Variants in GARRE1 observed in about 807,000 individuals in gnomAD.
GARRE1 encodes granule associated Rac and RHOG effector 1.
GARRE1 carries 49 observed loss-of-function variants against 103.2 expected under a neutral mutation model. The observed-to-expected ratio is 0.47, with a 90% CI of 0.38 to 0.60. GARRE1 has a LOEUF of 0.60. GARRE1 is among the 20% of genes least tolerant of loss of function. GARRE1 has a pLI of 0.00. For synonymous variants in GARRE1, 505 were observed against 532.8 expected, an observed-to-expected ratio of 0.95 and a Z score of 0.72; for missense variants, 1,199 against 1,370.5, an observed-to-expected ratio of 0.87 and a Z score of 1.98.
chr19:34,347,746 T>C (rs533509343), intron 10 of GARRE1, 131 bp from the exon 11 acceptor site: 3 of 868,836 alleles, frequency 3.5e-6, no homozygotes, highest in African/African-American at 3.5e-5. Flanking sequence ...CAGCCCACGC[T>C]GTGGGGCACA....
intron 1 of GARRE1, among the ~76,000 whole-genome samples, chr19:34,255,043 C>T (rs528915342): frequency 6.6e-6 from 1 of 152,032 alleles, no homozygotes; most frequent in African/African-American, 2.4e-5. Flanking sequence ...GGCAGGGGTC[C>T]GCTGGGGCTA....
At chr19:34,346,318 G>GC (rs2074210734) in intron 10 of GARRE1, among the ~76,000 whole-genome samples, 1 of 151,828 alleles carries the variant, frequency 6.6e-6, no homozygotes, top group South Asian at 2.1e-4. Context: ...CATTTGTACT[G>GC]CCCTGTATAT....
chr19:34,278,585 A>T (rs1385117727), intron 1 of GARRE1, among the ~76,000 whole-genome samples: 4 of 152,222 alleles, frequency 2.6e-5, no homozygotes, highest in Non-Finnish European at 4.4e-5. Context: ...ATATATATGG[A>T]ATCACACAGT....
intron 6 of GARRE1, among the ~76,000 whole-genome samples, chr19:34,329,634 A>G (rs558285614): frequency 1.0e-3 from 154 of 152,236 alleles, no homozygotes; most frequent in Middle Eastern, 3.4e-3. Flanking sequence ...TCAGGAGTTC[A>G]AGACCAGCCT....
intron 1 of GARRE1, among the ~76,000 whole-genome samples, chr19:34,296,005 C>T (rs947377513): frequency 5.3e-5 from 8 of 152,206 alleles, no homozygotes; most frequent in African/African-American, 1.7e-4. Context: ...ACTTCTAATT[C>T]TACTCCATTG....
At chr19:34,306,840 A>G (rs1209758265) in intron 2 of GARRE1, among the ~76,000 whole-genome samples, 2 of 151,918 alleles carry the variant, frequency 1.3e-5, no homozygotes. Context: ...GCCTGATACT[A>G]CTCCAGCATG....
intron 3 of GARRE1, among the ~76,000 whole-genome samples, 188 bp downstream of exon 3, chr19:34,320,304 C>T (rs888387340): frequency 5.3e-5 from 8 of 152,258 alleles, no homozygotes; most frequent in Non-Finnish European, 1.0e-4. Flanking sequence ...AGGCATGTGC[C>T]AGGCACTAGG....
At chr19:34,330,082 T>G in intron 6 of GARRE1, 107 bp from the exon 7 acceptor site, 1 of 1,007,304 alleles carries the variant, frequency 9.9e-7, no homozygotes, top group Non-Finnish European at 1.5e-6. Flanking sequence ...AATACATAAA[T>G]AAAATGCTCT....
chr19:34,276,637 C>T (rs942022399), intron 1 of GARRE1, among the ~76,000 whole-genome samples: 3 of 152,198 alleles, frequency 2.0e-5, no homozygotes, highest in East Asian at 1.9e-4. Context: ...GAAGTGGAGA[C>T]CATGATCTCT....
intron 13 of GARRE1, 73 bp downstream of exon 13, chr19:34,351,665 T>A: frequency 1.0e-6 from 1 of 982,524 alleles, no homozygotes; most frequent in Non-Finnish European, 1.6e-6. Context: ...GGCCTCAAAG[T>A]AATGAGGGAT....
intron 1 of GARRE1, among the ~76,000 whole-genome samples, chr19:34,283,344 A>G (rs2073866322): frequency 6.6e-6 from 1 of 152,104 alleles, no homozygotes. Context: ...CGATTGGTAG[A>G]TTTCTATTTG....
chr19:34,330,103 A>G, intron 6 of GARRE1, 86 bp from the exon 7 acceptor site: 1 of 1,161,790 alleles, frequency 8.6e-7, no homozygotes, highest in African/African-American at 1.5e-5. Context: ...TCTCTTGAGG[A>G]TGATTGTATA....
chr19:34,299,756 G>A lies in GARRE1; in HGVS notation c.-718G>A, dbSNP rs1389733204. 3.9e-5 allele frequency: 6 copies of A among 152,128 alleles called. No homozygotes were observed. Among genetic ancestry groups the A allele is most frequent in the Non-Finnish European group, 2.9e-5 (2 of 68,046 alleles). 9.4% of individuals were successfully genotyped at this position (152,128 alleles called of 1,614,324 possible). A position where few individuals can be genotyped will look rare whatever the true frequency, so the allele number is the denominator to read the frequency against. ...TACAACTGAGGGCCAGCCCAGTCTG[G>A]AAGCATCTCTTATTAATGTTACAAG... is the stretch of plus-strand genomic sequence containing the variant. On this transcript the variant is annotated 5_prime_UTR_variant, in exon 2 of 14. Transcript: ENST00000299505.
intron 3 of GARRE1, among the ~76,000 whole-genome samples, chr19:34,323,667 ACCCTCGGTGT>A (rs1568306493): frequency 6.6e-6 from 1 of 151,716 alleles, no homozygotes. Context: ...TGACTTTACA[ACCCTCGGTGT>A]CCTCCTGGCT....
intron 5 of GARRE1, 36 bp from the exon 6 acceptor site, chr19:34,327,954 G>A (rs1387183359): frequency 3.1e-6 from 5 of 1,613,934 alleles, no homozygotes; most frequent in Non-Finnish European, 4.2e-6. Flanking sequence ...GATGAGCGAT[G>A]GGTCACCTCT....
chr19:34,316,033 C>G (rs949152507), intron 2 of GARRE1, among the ~76,000 whole-genome samples: 1 of 152,160 alleles, frequency 6.6e-6, no homozygotes. Flanking sequence ...CATTCTGGAT[C>G]TTGTCATAGG....
intron 1 of GARRE1, among the ~76,000 whole-genome samples, chr19:34,262,664 C>T (rs917353457): frequency 9.9e-5 from 15 of 152,088 alleles, no homozygotes; most frequent in Non-Finnish European, 2.2e-4. Flanking sequence ...TGTTTAAAAG[C>T]TTTTTGTGAT....
intron 1 of GARRE1, among the ~76,000 whole-genome samples, chr19:34,267,583 T>C (rs901804150): frequency 2.0e-5 from 3 of 152,180 alleles, no homozygotes; most frequent in Non-Finnish European, 4.4e-5. Flanking sequence ...AACTTTCTAA[T>C]GGACACAATT....
intron 1 of GARRE1, among the ~76,000 whole-genome samples, chr19:34,286,973 G>A (rs1326746843): frequency 6.6e-6 from 1 of 151,724 alleles, no homozygotes; most frequent in Non-Finnish European, 1.5e-5. Flanking sequence ...TGTTAAAAAA[G>A]TGTATTCTCC....
Sources: allele counts gnomAD v4.1 joint callset (sites outside exome capture counted in the v4.1 genomes callset), GRCh38; gene constraint gnomAD v4.1.1; transcripts MANE v1.5; gene names NCBI Gene and HGNC (gene_info 2026-07-23, HGNC 2026-07-21).